ADGRA1: variants seen among roughly 807,000 people sequenced by gnomAD.
ADGRA1 encodes G-protein coupled receptor 123.
A neutral mutation model predicts 21.3 loss-of-function variants in ADGRA1; 12 were observed. The observed-to-expected ratio is 0.56, with a 90% CI of 0.36 to 0.91. The LOEUF is 0.91. ADGRA1 is among the 40% of genes least tolerant of loss of function. The probability of loss-of-function intolerance (pLI) is 0.01; values close to 1 mark genes in which losing one functional copy is unlikely to be tolerated. For missense variants in ADGRA1, 790 were observed against 805.6 expected (o/e 0.98, Z 0.23); for synonymous variants, 385 against 368.8 (o/e 1.04, Z -0.50).
intron 4 of ADGRA1, 133 bp from the exon 5 acceptor site, chr10:133,102,564 G>C (rs1173945980): frequency 3.7e-6 from 4 of 1,089,696 alleles, no homozygotes; most frequent in Non-Finnish European, 5.2e-6. Flanking sequence ...GGCGGCCGCT[G>C]CCTGCCCTGG....
chr10:133,123,017 C>T (rs545401776), intron 5 of ADGRA1, among the ~76,000 whole-genome samples: 10 of 152,298 alleles, frequency 6.6e-5, no homozygotes, highest in Admixed American at 3.3e-4. Flanking sequence ...CATGGCTGCA[C>T]GGGACCCGCT....
At chr10:133,111,260 C>T (rs1484408234) in intron 5 of ADGRA1, among the ~76,000 whole-genome samples, 21 of 91,620 alleles carry the variant, frequency 2.3e-4, no homozygotes, top group African/African-American at 5.9e-4. Flanking sequence ...CTGCCCACCA[C>T]AGGCACCTCC....
intron 2 of ADGRA1, among the ~76,000 whole-genome samples, chr10:133,092,097 A>G (rs1851604800): frequency 6.6e-6 from 1 of 152,164 alleles, no homozygotes; most frequent in Admixed American, 6.5e-5. Context: ...CTCTGCTCAA[A>G]TTTTACCCCT....
rs75650556 is a variant in ADGRA1 at position 133,111,723 on chromosome 10, G to A, written c.401+8881G>A. On this transcript the variant is annotated intron_variant, in intron 5 of 6. Transcript: ENST00000392607. ...TCCCACCAGACCACCTGCCCGCCAC[G>A]GGCACCTCCCTCCTAATCCCACCAG... Among the ~76,000 whole-genome samples the A allele has an allele frequency of 2.4e-3, 52 of 21,422 alleles. 3 individuals carry two copies. Among genetic ancestry groups the A allele is most frequent in the East Asian group, 7.4e-3 (6 of 814 alleles). 14.1% of individuals were successfully genotyped at this position (21,422 alleles called of 152,430 possible).
intron 6 of ADGRA1, 102 bp downstream of exon 6, chr10:133,127,433 C>G: frequency 1.1e-6 from 1 of 903,376 alleles, no homozygotes. Context: ...GACGAAGCAG[C>G]AAGGCCTGGG....
At chr10:133,117,219 A>G (rs746820841) in intron 5 of ADGRA1, among the ~76,000 whole-genome samples, 24 of 152,170 alleles carry the variant, frequency 1.6e-4, no homozygotes, top group Non-Finnish European at 3.5e-4. Flanking sequence ...CCTGTCTGTG[A>G]GTGGACAGAG....
intron 4 of ADGRA1, chr10:133,102,148 C>T (rs950321701): frequency 6.7e-6 from 3 of 447,982 alleles, no homozygotes; most frequent in African/African-American, 6.0e-5. Flanking sequence ...CCTGCAGGGC[C>T]ACACGAATGC....
intron 5 of ADGRA1, 146 bp downstream of exon 5, chr10:133,102,988 G>A: frequency 1.1e-6 from 1 of 949,894 alleles, no homozygotes. Flanking sequence ...TTCCCAGGGA[G>A]GGTGGAGAGC....
intron 5 of ADGRA1, among the ~76,000 whole-genome samples, chr10:133,111,765 A>G (rs149606713): frequency 0.068 from 254 of 3,740 alleles, 12 homozygotes; most frequent in East Asian, 0.35. Flanking sequence ...TGCCCGCCAC[A>G]GACACCTCCC....
chr10:133,107,764 T>C (rs1336077726), intron 5 of ADGRA1, among the ~76,000 whole-genome samples: 2 of 152,200 alleles, frequency 1.3e-5, no homozygotes, highest in African/African-American at 4.8e-5. Flanking sequence ...TTGGTTGTTT[T>C]AAAATATGCT....
At chr10:133,122,554 C>A (rs945052761) in intron 5 of ADGRA1, among the ~76,000 whole-genome samples, 8 of 152,344 alleles carry the variant, frequency 5.3e-5, no homozygotes, top group Admixed American at 2.0e-4. Context: ...TCTTTTCTTT[C>A]CTTTCCTTTT....
In ADGRA1 at chr10:133,129,663, CTTCCTT is replaced by C; in HGVS notation, c.*153_*158del. On this transcript the variant is annotated 3_prime_UTR_variant, in exon 7 of 7. Coordinates refer to ENST00000392607, the MANE Select transcript of ADGRA1 (RefSeq NM_001083909.3). ...CTTCCTTGTGATCACACCCCTGCCC[CTTCCTT>C]GTGATCACACCCCTGCCCCTTCCTT... The C allele has an allele frequency of 2.7e-6, 1 of 373,832 alleles. No individual in the cohort carries two copies. Among genetic ancestry groups the C allele is most frequent in the Non-Finnish European group, 5.0e-6 (1 of 201,462 alleles). 23.2% of individuals were successfully genotyped at this position (373,832 alleles called of 1,614,324 possible).
chr10:133,096,483 C>T (rs190671939), intron 2 of ADGRA1, among the ~76,000 whole-genome samples: 8 of 152,340 alleles, frequency 5.3e-5, no homozygotes, highest in Admixed American at 2.0e-4. Context: ...CTCCACCTCT[C>T]GCAGAAGCTC....
chr10:133,098,631 G>T lies in ADGRA1; in HGVS notation c.132-9G>T. On this transcript the variant is annotated splice_polypyrimidine_tract_variant and intron_variant, in intron 3 of 6. Coordinates refer to ENST00000392607, the MANE Select transcript of ADGRA1 (RefSeq NM_001083909.3). ...TGCTCATGTGAAACCCTCCTTTCCC[G>T]TCCCACAGCGCCATCCGCATCAGCC... 6.2e-7 allele frequency: 1 copy of T among 1,605,422 alleles called. No homozygotes were observed.
At chr10:133,092,747 GAGGGAGGA>G (rs565212740) in intron 2 of ADGRA1, among the ~76,000 whole-genome samples, 4,647 of 81,398 alleles carry the variant, frequency 0.057, 174 homozygotes, top group African/African-American at 0.089. Flanking sequence ...GAGAAATAGG[GAGGGAGGA>G]AGGAAGGAAG....
intron 5 of ADGRA1, among the ~76,000 whole-genome samples, chr10:133,112,425 C>CGTGTCGGTT (rs1852057476): frequency 8.2e-6 from 1 of 122,644 alleles, no homozygotes; most frequent in African/African-American, 3.0e-5. Flanking sequence ...GTCTGCGGGC[C>CGTGTCGGTT]ATGTCGGTTA....
chr10:133,099,291 C>G (rs1348533320), intron 4 of ADGRA1, among the ~76,000 whole-genome samples: 4 of 152,042 alleles, frequency 2.6e-5, no homozygotes, highest in Non-Finnish European at 5.9e-5. Flanking sequence ...ACACAGCCCA[C>G]CCCTCCCGGA....
intron 2 of ADGRA1, chr10:133,095,799 A>G (rs1251289885): frequency 6.3e-7 from 1 of 1,597,112 alleles, no homozygotes; most frequent in Non-Finnish European, 8.5e-7. Flanking sequence ...GCCTCTGCCC[A>G]TGGCCCTTCC....
chr10:133,129,310 C>T lies in ADGRA1; in HGVS notation c.1482C>T (p.Tyr494=), dbSNP rs1197490468. Residue 494 remains tyrosine (Y), a synonymous_variant, in exon 7 of 7, where the codon TAC becomes TAT. Transcript: ENST00000392607. ...GCAGTGATGGGAGCCCTGCCCTCTACAGCTGCCCCACGCAGCCGGGCAGGG... is the reference window on the plus strand; with the variant it reads ...GCAGTGATGGGAGCCCTGCCCTCTATAGCTGCCCCACGCAGCCGGGCAGGG... ...PEGSDGSPAL[Y]SCPTQPGREA... 2.6e-6 allele frequency: 4 copies of T among 1,556,442 alleles called. No homozygotes were observed. The highest frequency in any genetic ancestry group is 8.7e-7 in the Non-Finnish European group (1 of 1,151,218).
Sources: allele counts gnomAD v4.1 joint callset (sites outside exome capture counted in the v4.1 genomes callset), GRCh38; gene constraint gnomAD v4.1.1; transcripts MANE v1.5; gene names NCBI Gene and HGNC (gene_info 2026-07-23, HGNC 2026-07-21).